Variants in YBX3 observed in about 807,000 individuals in gnomAD.
YBX3 encodes Y-box-binding protein 3.
YBX3 carries 29 observed loss-of-function variants against 42.4 expected under a neutral mutation model. The ratio of observed to expected loss-of-function variants is 0.68; its 90% CI spans 0.51 to 0.93. The LOEUF is 0.93. Ranked by LOEUF, YBX3 falls within the 40% of genes least tolerant of loss-of-function variation. The pLI is 0.00. For synonymous variants in YBX3, 195 were observed against 189.8 expected, an observed-to-expected ratio of 1.03 and a Z score of -0.22; for missense variants, 517 against 527.5, an observed-to-expected ratio of 0.98 and a Z score of 0.19.
intron 1 of YBX3, 26 bp from the exon 2 acceptor site, chr12:10,719,169 T>G (rs752321971): frequency 3.3e-5 from 52 of 1,593,478 alleles, no homozygotes; most frequent in Non-Finnish European, 4.2e-5. Flanking sequence ...GCAGATAAAT[T>G]AGTATCTGAC....
intron 6 of YBX3, among the ~76,000 whole-genome samples, chr12:10,705,206 G>A (rs1948124153): frequency 6.6e-6 from 1 of 152,110 alleles, no homozygotes; most frequent in Non-Finnish European, 1.5e-5. Context: ...CGATTCTCCT[G>A]CCTCAGCCTC....
chr12:10,704,061 T>C lies in YBX3; in HGVS notation c.868A>G (p.Arg290Gly), dbSNP rs746683020. Residue 290 changes from arginine to glycine, a missense_variant, in exon 7 of 10, where the codon AGG (arginine) becomes GGG (glycine). Around this residue, in one of 3 missense-constraint regions of YBX3, gnomAD observed 420 missense variants for 408.5 expected, o/e 1.03. Coordinates refer to ENST00000228251, the MANE Select transcript of YBX3 (RefSeq NM_003651.5). ...GAAAATGCGACATACCTACGGTACC[T>C]TGGGCGGTAAGTTGGATTTCGATGA... ...PVHRNPTYRP[R>G]YRSRGPPRPR... 2.5e-6 allele frequency: 4 copies of C among 1,614,182 alleles called. No homozygotes were observed. In the South Asian group the frequency reaches 4.4e-5, roughly 18 times the overall value.
At chr12:10,721,296 A>G (rs1591585337) in intron 1 of YBX3, among the ~76,000 whole-genome samples, 2 of 152,368 alleles carry the variant, frequency 1.3e-5, no homozygotes, top group African/African-American at 2.4e-5. Flanking sequence ...GCTTGAGGAA[A>G]TTAACCTTCA....
At chr12:10,702,758 G>A (rs1019501988) in intron 7 of YBX3, 2 of 152,128 alleles carry the variant, frequency 1.3e-5, no homozygotes, top group African/African-American at 4.8e-5. Flanking sequence ...AGAGTAGTCT[G>A]GTATCTGCCT....
In YBX3 at chr12:10,699,214, T is replaced by G. The variant is rs2120887670; in HGVS notation, c.*475A>C. ...AGAAATAAATAAGAAGGACATAAATTTTTTTTTTTTTTAAATCATGACACT... is the reference window on the plus strand; with the variant it reads ...AGAAATAAATAAGAAGGACATAAATGTTTTTTTTTTTTAAATCATGACACT... On this transcript the variant is annotated 3_prime_UTR_variant, in exon 10 of 10. Transcript: ENST00000228251. 1.3e-5 allele frequency: 2 copies of G among 149,004 alleles called. No homozygotes were observed. Among genetic ancestry groups the G allele is most frequent in the East Asian group, 3.9e-4 (2 of 5,104 alleles). The allele number at this position is 149,004 out of a possible 1,614,324, so 9.2% of individuals were successfully genotyped here.
chr12:10,702,614 A>AT (rs1948094742), intron 7 of YBX3: 1 of 152,436 alleles, frequency 6.6e-6, no homozygotes, highest in African/African-American at 2.4e-5. Flanking sequence ...CGAAAAAAAA[A>AT]TCTTAATTTT....
At chr12:10,713,469 G>C in intron 4 of YBX3, 136 bp from the exon 5 acceptor site, 1 of 1,129,528 alleles carries the variant, frequency 8.9e-7, no homozygotes, top group South Asian at 1.7e-5. Context: ...AACAGATCTA[G>C]GTTTTAAACA....
In YBX3 at chr12:10,703,976, G is replaced by A. The variant is rs914941440; in HGVS notation, c.878+75C>T. 26 of 1,399,752 alleles carry A rather than the reference G, an allele frequency of 1.9e-5. No homozygotes were observed. In the East Asian group the frequency reaches 2.8e-4, roughly 15 times the overall value. 86.7% of individuals were successfully genotyped at this position (1,399,752 alleles called of 1,614,324 possible). Reference sequence around the variant, plus strand: ...TAGATATATAATAAATCCACAAAACGGAACCACACAGTCCTCATTCTACCA... The same window carrying A: ...TAGATATATAATAAATCCACAAAACAGAACCACACAGTCCTCATTCTACCA... On this transcript the variant is annotated intron_variant, in intron 7 of 9. Transcript: ENST00000228251.
intron 6 of YBX3, among the ~76,000 whole-genome samples, chr12:10,708,540 G>C (rs779194954): frequency 6.6e-6 from 1 of 152,138 alleles, no homozygotes; most frequent in Non-Finnish European, 1.5e-5. Context: ...AGACTACTTA[G>C]TCAGAGAGCT....
chr12:10,708,395 G>T (rs1444401566), intron 6 of YBX3, among the ~76,000 whole-genome samples: 1 of 151,460 alleles, frequency 6.6e-6, no homozygotes, highest in Non-Finnish European at 1.5e-5. Context: ...TTTTATATTT[G>T]ATCTCAATAA....
At chr12:10,719,183 C>T (rs1591584099) in intron 1 of YBX3, 40 bp from the exon 2 acceptor site, 1 of 1,530,272 alleles carries the variant, frequency 6.5e-7, no homozygotes. Flanking sequence ...ATCTGACCTA[C>T]AGAGAGATAT....
chr12:10,714,009 C>T lies in YBX3; in HGVS notation c.451-676G>A, dbSNP rs574262999. On this transcript the variant is annotated intron_variant, in intron 4 of 9. Transcript: ENST00000228251. ...AGAGTGTATTTCACACCCTACATCA[C>T]TTTGTAAAACCCTGAGTTCTGAAAA... Among the ~76,000 whole-genome samples, 3 of 152,294 alleles carry T rather than the reference C, an allele frequency of 2.0e-5. No individual in the cohort carries two copies. In the South Asian group the frequency reaches 6.2e-4, roughly 32 times the overall value.
At chr12:10,699,810 T>A (rs1435699962) in intron 9 of YBX3, among the ~76,000 whole-genome samples, 156 bp from the exon 10 acceptor site, 3 of 152,238 alleles carry the variant, frequency 2.0e-5, no homozygotes, top group Non-Finnish European at 4.4e-5. Context: ...GTAAGCTATA[T>A]GTTAATTAAA....
intron 4 of YBX3, 46 bp from the exon 5 acceptor site, chr12:10,713,379 C>A (rs759648797): frequency 1.9e-6 from 3 of 1,596,192 alleles, no homozygotes; most frequent in South Asian, 2.2e-5. Flanking sequence ...AAAGAATATA[C>A]ACTAACTCAA....
rs933555195 is a variant in YBX3 at position 10,710,687 on chromosome 12, G to T, written c.574-573C>A. ...GGCATTCTCTCAGAAGTATATGGTG[G>T]GGTCTCCCAAAGGCTACAATGACAT... On this transcript the variant is annotated intron_variant, in intron 5 of 9. Coordinates refer to ENST00000228251, the MANE Select transcript of YBX3 (RefSeq NM_003651.5). The T allele has an allele frequency of 2.8e-5, 22 of 777,134 alleles. No individual in the cohort carries two copies. The African/African-American group carries it at 3.4e-4, about 12-fold the overall frequency. The allele number at this position is 777,134 out of a possible 1,614,324, so 48.1% of individuals were successfully genotyped here.
At chr12:10,714,194 G>A (rs1336625391) in intron 4 of YBX3, among the ~76,000 whole-genome samples, 1 of 152,092 alleles carries the variant, frequency 6.6e-6, no homozygotes, top group African/African-American at 2.4e-5. Context: ...TTAAATTTCT[G>A]CATCCAATGA....
chr12:10,718,982 A>C (rs1790282676), intron 2 of YBX3, 98 bp downstream of exon 2: 6 of 1,130,326 alleles, frequency 5.3e-6, no homozygotes, highest in Non-Finnish European at 7.7e-6. Context: ...AACCTAAAAA[A>C]TTTATATAAG....
At chr12:10,718,501 C>T (rs1014582945) in intron 2 of YBX3, 2 of 187,510 alleles carry the variant, frequency 1.1e-5, no homozygotes, top group Admixed American at 6.1e-5. Flanking sequence ...TACACTGAAA[C>T]TTAAAACAGC....
intron 6 of YBX3, among the ~76,000 whole-genome samples, chr12:10,706,074 T>C (rs958715130): frequency 1.3e-5 from 2 of 152,234 alleles, no homozygotes; most frequent in Non-Finnish European, 2.9e-5. Flanking sequence ...GACCTTTCAG[T>C]AGACAGAACC....
Sources: gnomAD v4.1 joint callset for allele counts (sites outside exome capture counted in the v4.1 genomes callset) on GRCh38, gnomAD v4.1.1 for gene constraint, gnomAD v4.1.1 regional missense constraint, MANE v1.5 for transcripts, NCBI Gene and HGNC (gene_info 2026-07-23, HGNC 2026-07-21) for gene names.